The following MCC variants were observed in gnomAD, a reference collection of about 807,000 sequenced individuals.
The protein encoded by MCC is MCC regulator of Wnt signaling pathway.
A neutral mutation model predicts 116.2 loss-of-function variants in MCC; 90 were observed. That is an observed-to-expected ratio of 0.77 (90% CI 0.65 to 0.92). The LOEUF (loss-of-function observed/expected upper bound fraction) is 0.92. MCC is among the 40% of genes least tolerant of loss of function. The probability of loss-of-function intolerance (pLI) is 0.00; values close to 1 mark genes in which losing one functional copy is unlikely to be tolerated. For synonymous variants in MCC, 578 were observed against 510.5 expected (o/e 1.13, Z -1.78); for missense variants, 1,516 against 1,312.2 (o/e 1.16, Z -2.40).
At chr5:113,479,487 C>T (rs1173667175) in intron 1 of MCC, among the ~76,000 whole-genome samples, 1 of 152,006 alleles carries the variant, frequency 6.6e-6, no homozygotes, top group Non-Finnish European at 1.5e-5. Flanking sequence ...TACTGCATAT[C>T]GGTTAGCTCT....
chr5:113,292,566 G>A (rs540142115), intron 3 of MCC, among the ~76,000 whole-genome samples: 1 of 150,948 alleles, frequency 6.6e-6, no homozygotes, highest in Admixed American at 6.6e-5. Context: ...TTAGGGAGTG[G>A]ATACAACTAG....
intron 3 of MCC, among the ~76,000 whole-genome samples, chr5:113,328,780 T>C (rs1001000359): frequency 6.6e-6 from 1 of 152,186 alleles, no homozygotes; most frequent in Non-Finnish European, 1.5e-5. Context: ...TGTGTGTACA[T>C]GTGTGTTTAT....
chr5:113,040,744 C>T lies in MCC; in HGVS notation c.2756+2786G>A, dbSNP rs150290863. On this transcript the variant is annotated intron_variant, in intron 17 of 18. Coordinates refer to ENST00000408903, the MANE Select transcript of MCC (RefSeq NM_001085377.2). Reference sequence around the variant, plus strand: ...TTATGTTATTTTCCTTTTTCCTTTACCTCTGTAAGTTTGTTCTTGGCTCCA... The same window carrying T: ...TTATGTTATTTTCCTTTTTCCTTTATCTCTGTAAGTTTGTTCTTGGCTCCA... Among the ~76,000 whole-genome samples, 460 of 152,182 alleles carry T rather than the reference C, an allele frequency of 3.0e-3. 6 individuals carry two copies. The highest frequency in any genetic ancestry group is 7.5e-4 in the Non-Finnish European group (51 of 68,006).
chr5:113,263,395 A>G (rs968999552), intron 3 of MCC, among the ~76,000 whole-genome samples: 2 of 152,196 alleles, frequency 1.3e-5, no homozygotes, highest in Non-Finnish European at 2.9e-5. Flanking sequence ...ATGCCAAAGG[A>G]TCATAGCTAT....
intron 6 of MCC, among the ~76,000 whole-genome samples, chr5:113,111,383 GAGAGAC>G (rs964981964): frequency 1.3e-5 from 2 of 152,190 alleles, no homozygotes; most frequent in African/African-American, 2.4e-5. Flanking sequence ...CCCAGTCAGA[GAGAGAC>G]AGAGACAGAG....
intron 5 of MCC, among the ~76,000 whole-genome samples, chr5:113,132,358 ATGTGTG>A (rs1187010570): frequency 7.3e-6 from 1 of 136,706 alleles, no homozygotes; most frequent in Non-Finnish European, 1.5e-5. Flanking sequence ...AAAAGTGCAT[ATGTGTG>A]TGTGTGTGTA....
chr5:113,083,115 G>C (rs1163712919), intron 10 of MCC, 107 bp from the exon 11 acceptor site: 14 of 1,069,160 alleles, frequency 1.3e-5, no homozygotes, highest in Non-Finnish European at 1.7e-5. Context: ...CGGGGACTGG[G>C]AGGATGGTTA....
chr5:113,229,181 C>CT (rs1763852545), intron 3 of MCC, among the ~76,000 whole-genome samples: 1 of 152,034 alleles, frequency 6.6e-6, no homozygotes, highest in African/African-American at 2.4e-5. Flanking sequence ...TGGGGAGGGG[C>CT]TGAAGAATCG....
chr5:113,031,363 A>G (rs1750940971), intron 17 of MCC, among the ~76,000 whole-genome samples: 2 of 151,900 alleles, frequency 1.3e-5, no homozygotes, highest in African/African-American at 4.8e-5. Context: ...AGCATTTCCT[A>G]CCAGCAGTGA....
chr5:113,196,589 G>A lies in MCC; in HGVS notation c.628-45167C>T, dbSNP rs142291011. Among the ~76,000 whole-genome samples, 1,317 of 152,254 alleles carry A rather than the reference G, an allele frequency of 8.7e-3. 14 individuals carry two copies. The highest frequency in any genetic ancestry group is 0.038 in the South Asian group (181 of 4,816). On this transcript the variant is annotated intron_variant, in intron 3 of 18. Transcript: ENST00000408903. ...TACTCGGTCGGGCGCAGTGGCTCAC[G>A]CCTATAATCCCAGCACTTTGGGAGG...
intron 1 of MCC, among the ~76,000 whole-genome samples, chr5:113,413,813 G>C (rs1029557191): frequency 1.3e-5 from 2 of 152,090 alleles, no homozygotes; most frequent in Non-Finnish European, 2.9e-5. Context: ...GCTTCTGCTA[G>C]CTTTTGAATT....
chr5:113,027,923 T>C (rs1750682599), intron 18 of MCC, among the ~76,000 whole-genome samples: 1 of 152,234 alleles, frequency 6.6e-6, no homozygotes, highest in Non-Finnish European at 1.5e-5. Flanking sequence ...AGAGAGGTTG[T>C]TCTTGTTCCA....
Position 113,026,629 on chromosome 5 carries a change from C to T in MCC, c.*673G>A, listed in dbSNP as rs534413522. 2 of 152,196 alleles carry T rather than the reference C, an allele frequency of 1.3e-5. No homozygotes were observed. Among genetic ancestry groups the T allele is most frequent in the African/African-American group, 4.8e-5 (2 of 41,438 alleles). 9.4% of individuals were successfully genotyped at this position (152,196 alleles called of 1,614,324 possible). A position where few individuals can be genotyped will look rare whatever the true frequency, so the allele number is the denominator to read the frequency against. ...GAAGATTGAAGGAAGTTTTTATTCT[C>T]TCAATACAAAATTGTTCAGGCACAG... On this transcript the variant is annotated 3_prime_UTR_variant, in exon 19 of 19. Transcript: ENST00000408903.
intron 8 of MCC, among the ~76,000 whole-genome samples, chr5:113,090,604 T>TA (rs1304593965): frequency 2.0e-5 from 3 of 151,904 alleles, no homozygotes; most frequent in African/African-American, 7.3e-5. Context: ...AGACACAGAA[T>TA]AAAAAAAGTC....
intron 3 of MCC, among the ~76,000 whole-genome samples, chr5:113,213,029 T>C (rs1251827278): frequency 6.6e-6 from 1 of 152,226 alleles, no homozygotes; most frequent in East Asian, 1.9e-4. Flanking sequence ...TTTTTTTGTG[T>C]GCGTTTTAAA....
chr5:113,076,497 G>A (rs951047369), intron 11 of MCC, among the ~76,000 whole-genome samples: 4 of 152,174 alleles, frequency 2.6e-5, no homozygotes, highest in Non-Finnish European at 5.9e-5. Flanking sequence ...GAGAGTGGGG[G>A]CCAATATTAA....
At chr5:113,307,710 T>C (rs369465278) in intron 3 of MCC, among the ~76,000 whole-genome samples, 1 of 152,196 alleles carries the variant, frequency 6.6e-6, no homozygotes, top group East Asian at 1.9e-4. Context: ...GACAACTTTG[T>C]CTTGTGCTGC....
intron 5 of MCC, among the ~76,000 whole-genome samples, chr5:113,142,743 C>G (rs528185863): frequency 6.6e-6 from 1 of 152,248 alleles, no homozygotes; most frequent in South Asian, 2.1e-4. Context: ...TATCTGGAAG[C>G]CTACATAATG....
Position 113,088,359 on chromosome 5 carries a change from T to G in MCC, c.1399-3049A>C, listed in dbSNP as rs371808169. On this transcript the variant is annotated intron_variant, in intron 8 of 18. Coordinates refer to ENST00000408903, the MANE Select transcript of MCC (RefSeq NM_001085377.2). ...GCTTCGGAAAGAGGCAGAAACATAGTTAATAGAGTTCTCACTTTTATTCTC... is the reference window on the plus strand; with the variant it reads ...GCTTCGGAAAGAGGCAGAAACATAGGTAATAGAGTTCTCACTTTTATTCTC... Among the ~76,000 whole-genome samples the G allele has an allele frequency of 3.9e-5, 6 of 151,902 alleles. No homozygotes were observed. The South Asian group carries it at 8.4e-4, about 21-fold the overall frequency.
Sources: allele counts gnomAD v4.1 joint callset (sites outside exome capture counted in the v4.1 genomes callset), GRCh38; gene constraint gnomAD v4.1.1; transcripts MANE v1.5; gene names NCBI Gene and HGNC (gene_info 2026-07-23, HGNC 2026-07-21).